Variants in GRID2 observed in about 807,000 individuals in gnomAD.
GRID2 encodes the protein glutamate ionotropic receptor delta type subunit 2, also known as glutamate receptor ionotropic, delta-2.
A neutral mutation model predicts 114.8 loss-of-function variants in GRID2; 33 were observed. The ratio of observed to expected loss-of-function variants is 0.29; its 90% CI spans 0.22 to 0.38. The LOEUF (loss-of-function observed/expected upper bound fraction) is 0.38, where lower values mean the gene tolerates loss of function less well. GRID2 is among the 10% of genes least tolerant of loss of function. GRID2 has a pLI of 1.00. For missense variants in GRID2, 1,184 were observed against 1,257.7 expected (o/e 0.94, Z 0.89); for synonymous variants, 505 against 449.9 (o/e 1.12, Z -1.55).
At chr4:92,711,054 A>G (rs992089787) in intron 2 of GRID2, among the ~76,000 whole-genome samples, 4 of 152,100 alleles carry the variant, frequency 2.6e-5, no homozygotes, top group Admixed American at 2.6e-4. Flanking sequence ...TCAGAATACT[A>G]TTTAGTGGTA....
At chr4:93,039,151 A>C (rs1347841661) in intron 2 of GRID2, among the ~76,000 whole-genome samples, 1 of 152,200 alleles carries the variant, frequency 6.6e-6, no homozygotes, top group Non-Finnish European at 1.5e-5. Context: ...AAAAAGGATG[A>C]GTTCATGTCC....
chr4:92,679,436 C>T (rs1346104222), intron 2 of GRID2, among the ~76,000 whole-genome samples: 2 of 151,958 alleles, frequency 1.3e-5, no homozygotes, highest in African/African-American at 4.8e-5. Context: ...CTTCTATCAC[C>T]CTGAAATCTT....
At chr4:92,564,699 A>T (rs1727253683) in intron 1 of GRID2, among the ~76,000 whole-genome samples, 2 of 152,046 alleles carry the variant, frequency 1.3e-5, no homozygotes, top group Admixed American at 1.3e-4. Context: ...AACATTCCTA[A>T]GGCAAATGTT....
intron 2 of GRID2, among the ~76,000 whole-genome samples, chr4:92,633,229 A>G (rs191789813): frequency 2.6e-4 from 40 of 152,290 alleles, no homozygotes; most frequent in African/African-American, 8.9e-4. Context: ...GTTGCCAAGA[A>G]CACAGTATAT....
chr4:92,418,037 G>A (rs1460816726), intron 1 of GRID2, among the ~76,000 whole-genome samples: 2 of 152,130 alleles, frequency 1.3e-5, no homozygotes, highest in Non-Finnish European at 2.9e-5. Context: ...TCAGTCGTGT[G>A]TATGTTTTTA....
intron 2 of GRID2, among the ~76,000 whole-genome samples, chr4:92,894,945 T>C (rs1351838985): frequency 6.6e-6 from 1 of 152,080 alleles, no homozygotes; most frequent in African/African-American, 2.4e-5. Context: ...AAAGATGCAC[T>C]GTACGGCCAT....
chr4:92,723,537 C>CA lies in GRID2; in HGVS notation c.244+133252dup, dbSNP rs142304853. Among the ~76,000 whole-genome samples the CA allele has an allele frequency of 9.9e-4, 151 of 152,188 alleles. 1 individual carries two copies. Among genetic ancestry groups the CA allele is most frequent in the African/African-American group, 3.6e-3 (149 of 41,552 alleles). On this transcript the variant is annotated intron_variant, in intron 2 of 15. Coordinates refer to ENST00000282020, the MANE Select transcript of GRID2 (RefSeq NM_001510.4). ...AACTTGACAGAAATATGTCTTTTTT[C>CA]ATGAAACTTAAAATCACCTTTCCTG...
intron 2 of GRID2, among the ~76,000 whole-genome samples, chr4:92,863,994 A>G (rs190896836): frequency 6.6e-6 from 1 of 152,292 alleles, no homozygotes; most frequent in Admixed American, 6.5e-5. Context: ...ATACTGTTTT[A>G]TTTCCATTTA....
intron 2 of GRID2, among the ~76,000 whole-genome samples, chr4:92,862,751 A>G (rs563046521): frequency 6.6e-6 from 1 of 152,218 alleles, no homozygotes; most frequent in South Asian, 2.1e-4. Context: ...CATTTTTTAT[A>G]ACTAAATGTT....
At chr4:92,344,105 G>A (rs947762361) in intron 1 of GRID2, among the ~76,000 whole-genome samples, 1 of 152,050 alleles carries the variant, frequency 6.6e-6, no homozygotes, top group Non-Finnish European at 1.5e-5. Flanking sequence ...GTTCAAACCT[G>A]TGTTACTCAA....
intron 1 of GRID2, among the ~76,000 whole-genome samples, chr4:92,317,364 TA>T (rs1726047968): frequency 6.6e-6 from 1 of 152,202 alleles, no homozygotes; most frequent in African/African-American, 2.4e-5. Flanking sequence ...AAAACATATT[TA>T]TATAGACTTT....
intron 2 of GRID2, among the ~76,000 whole-genome samples, chr4:92,876,202 G>A (rs533131674): frequency 6.3e-4 from 96 of 151,484 alleles, no homozygotes; most frequent in Non-Finnish European, 8.3e-4. Context: ...TATGTATTTT[G>A]ACAGTGTGGA....
intron 13 of GRID2, among the ~76,000 whole-genome samples, chr4:93,554,015 G>C (rs1734056028): frequency 6.6e-6 from 1 of 152,092 alleles, no homozygotes; most frequent in African/African-American, 2.4e-5. Flanking sequence ...CAGTGATTCT[G>C]TGACTTTATC....
At chr4:92,369,807 A>G (rs1369978861) in intron 1 of GRID2, among the ~76,000 whole-genome samples, 4 of 152,174 alleles carry the variant, frequency 2.6e-5, no homozygotes, top group Middle Eastern at 3.2e-3. Context: ...TATTTTTACT[A>G]TAAGAGGTAG....
intron 2 of GRID2, among the ~76,000 whole-genome samples, chr4:92,900,684 A>C (rs1747503326): frequency 6.6e-6 from 1 of 152,044 alleles, no homozygotes; most frequent in Non-Finnish European, 1.5e-5. Flanking sequence ...CAAAAAACAA[A>C]TTATCCAGGC....
intron 1 of GRID2, among the ~76,000 whole-genome samples, chr4:92,495,478 G>T (rs1188282972): frequency 1.3e-5 from 2 of 151,862 alleles, no homozygotes; most frequent in Non-Finnish European, 2.9e-5. Flanking sequence ...ATAATTTTAG[G>T]TTGCCATAGA....
chr4:92,649,767 G>C (rs1188833707), intron 2 of GRID2, among the ~76,000 whole-genome samples: 1 of 151,794 alleles, frequency 6.6e-6, no homozygotes, highest in Non-Finnish European at 1.5e-5. Flanking sequence ...CTGAAGTGGA[G>C]GTAAAATCCT....
At chr4:93,282,196 C>G (rs1298873930) in intron 8 of GRID2, among the ~76,000 whole-genome samples, 2 of 151,996 alleles carry the variant, frequency 1.3e-5, no homozygotes, top group Non-Finnish European at 2.9e-5. Context: ...AATTCATGTT[C>G]ATTTCCTTTA....
At chr4:93,809,699 A>T (rs1180300043) in exon 2 of GRID2, 2 of 152,246 alleles carry the variant, frequency 1.3e-5, no homozygotes, top group Non-Finnish European at 2.9e-5. Flanking sequence ...AATGGAAAAT[A>T]ATTCACAATT....
Sources: allele counts gnomAD v4.1 joint callset (sites outside exome capture counted in the v4.1 genomes callset), GRCh38; gene constraint gnomAD v4.1.1; transcripts MANE v1.5; gene names NCBI Gene and HGNC (gene_info 2026-07-23, HGNC 2026-07-21).